NDE1: variants seen among roughly 807,000 people sequenced by gnomAD.
NDE1 encodes nuclear distribution protein nudE homolog 1.
Under a neutral mutation model 43.4 loss-of-function variants are expected in NDE1, and 28 were observed. That is an observed-to-expected ratio of 0.65 (90% CI 0.48 to 0.89). The LOEUF is 0.89. NDE1 is among the 40% of genes least tolerant of loss of function. The pLI, the probability that NDE1 is intolerant of heterozygous loss-of-function variation, is 0.00. For missense variants in NDE1, 441 were observed against 434.1 expected (o/e 1.02, Z -0.14); for synonymous variants, 184 against 172.0 (o/e 1.07, Z -0.55).
intron 8 of NDE1, 57 bp downstream of exon 8, chr16:15,696,917 A>G (rs746535640): frequency 2.5e-6 from 4 of 1,597,744 alleles, no homozygotes; most frequent in Non-Finnish European, 2.6e-6. Flanking sequence ...GCCCCAGGCA[A>G]GAGACACTCA....
At position 15,725,988 on chromosome 16, in the gene NDE1, C is replaced by T. The variant is rs1235268379; in HGVS notation, c.*1737C>T. The T allele has an allele frequency of 9.4e-6, 3 of 318,140 alleles. No individual in the cohort carries two copies. The highest frequency in any genetic ancestry group is 2.1e-5 in the African/African-American group (1 of 46,738). 19.7% of individuals were successfully genotyped at this position (318,140 alleles called of 1,614,324 possible). On this transcript the variant is annotated 3_prime_UTR_variant, in exon 9 of 9. Coordinates refer to ENST00000396354, the MANE Select transcript of NDE1 (RefSeq NM_017668.3). ...TACCCCCAACCCCAGCTGGGCACTC[C>T]AGCTCTACTGGCTGTATGTCTCTCT...
At chr16:15,691,087 C>T (rs531315587) in intron 5 of NDE1, 57 bp from the exon 6 acceptor site, 47 of 1,609,494 alleles carry the variant, frequency 2.9e-5, no homozygotes, top group Admixed American at 2.2e-4. Context: ...GCATTATAAA[C>T]ATGAGCCACT....
At chr16:15,717,912 A>C in intron 8 of NDE1, 1 of 314,308 alleles carries the variant, frequency 3.2e-6, no homozygotes, top group South Asian at 3.3e-5. Context: ...CCTACACCAC[A>C]AGGGGCTGCA....
At chr16:15,719,416 G>A in intron 8 of NDE1, 2 of 1,472,950 alleles carry the variant, frequency 1.4e-6, no homozygotes, top group Non-Finnish European at 1.9e-6. Context: ...CTTCCTCTGA[G>A]CTCAGGGGAG....
At chr16:15,720,464 C>G in intron 8 of NDE1, 1 of 1,150,622 alleles carries the variant, frequency 8.7e-7, no homozygotes, top group Admixed American at 2.0e-5. Flanking sequence ...AACGGAATCA[C>G]GCCGGGCGTG....
At chr16:15,701,006 C>T (rs1460144727) in intron 8 of NDE1, among the ~76,000 whole-genome samples, 2 of 151,916 alleles carry the variant, frequency 1.3e-5, no homozygotes, top group African/African-American at 2.4e-5. Flanking sequence ...AAGGCCGAGG[C>T]GGGTGGATTA....
At chr16:15,721,132 C>G in intron 8 of NDE1, 2 of 1,483,022 alleles carry the variant, frequency 1.3e-6, no homozygotes, top group South Asian at 1.1e-5. Flanking sequence ...AGCGGCACCT[C>G]AGGAGATCAG....
chr16:15,696,892 G>A (rs751612032), intron 8 of NDE1, 32 bp downstream of exon 8: 22 of 1,608,914 alleles, frequency 1.4e-5, no homozygotes, highest in East Asian at 2.2e-5. Flanking sequence ...TCTCGCTGGC[G>A]GGGAGAACCC....
intron 8 of NDE1, chr16:15,721,261 T>A: frequency 1.0e-6 from 1 of 986,026 alleles, no homozygotes; most frequent in Non-Finnish European, 1.5e-6. Context: ...ACTGCCATTC[T>A]CAGCCCCTCC....
chr16:15,721,163 A>C (rs2040453673), intron 8 of NDE1: 1 of 1,211,782 alleles, frequency 8.3e-7, no homozygotes, highest in Non-Finnish European at 1.2e-6. Context: ...TTGGCCTCCC[A>C]CAGGATGCAT....
At chr16:15,661,715 A>G (rs2037054766) in intron 1 of NDE1, among the ~76,000 whole-genome samples, 2 of 151,886 alleles carry the variant, frequency 1.3e-5, no homozygotes, top group Admixed American at 6.6e-5. Flanking sequence ...ATGTGCTGGG[A>G]TTACAGGTGC....
At position 15,650,291 on chromosome 16, in the gene NDE1, T is replaced by C. The variant is rs1003118064; in HGVS notation, c.-47T>C. Reference sequence around the variant, plus strand: ...GCCGCGTTGGCCTCGCCGCCCCTGCTCGGGTAAGTGAGGCGCTGCGCGGGG... The same window carrying C: ...GCCGCGTTGGCCTCGCCGCCCCTGCCCGGGTAAGTGAGGCGCTGCGCGGGG... On this transcript the variant is annotated 5_prime_UTR_variant, in exon 1 of 9. Transcript: ENST00000396354. 4 of 312,450 alleles carry C rather than the reference T, an allele frequency of 1.3e-5. No individual in the cohort carries two copies. Among genetic ancestry groups the C allele is most frequent in the African/African-American group, 4.5e-5 (2 of 44,194 alleles). The allele number at this position is 312,450 out of a possible 1,614,324, so 19.4% of individuals were successfully genotyped here.
chr16:15,680,235 CTG>C (rs1406760029), intron 4 of NDE1, among the ~76,000 whole-genome samples: 2 of 152,084 alleles, frequency 1.3e-5, no homozygotes, highest in African/African-American at 4.8e-5. Context: ...TGTGTCTGCT[CTG>C]TGCACGTGTG....
chr16:15,701,681 C>T (rs1453458643), intron 8 of NDE1: 2 of 152,174 alleles, frequency 1.3e-5, no homozygotes, highest in African/African-American at 4.8e-5. Context: ...TAAAAGAACA[C>T]ACTAATTTCT....
intron 8 of NDE1, chr16:15,714,207 A>T (rs1341580045): frequency 1.3e-5 from 2 of 153,734 alleles, no homozygotes; most frequent in Non-Finnish European, 2.9e-5. Context: ...CCTTGGGAGC[A>T]GGGGGGACCC....
At chr16:15,703,495 G>A in intron 8 of NDE1, 1 of 284,012 alleles carries the variant, frequency 3.5e-6, no homozygotes, top group Non-Finnish European at 6.8e-6. Flanking sequence ...TCCATTGATA[G>A]AACTGGAGGA....
At chr16:15,721,315 T>C (rs2040467376) in intron 8 of NDE1, 1 of 1,293,054 alleles carries the variant, frequency 7.7e-7, no homozygotes, top group Non-Finnish European at 1.1e-6. Flanking sequence ...TTTCCGATGA[T>C]AGTTCGCTAT....
chr16:15,692,021 A>G (rs1463644860), intron 6 of NDE1, among the ~76,000 whole-genome samples: 1 of 151,210 alleles, frequency 6.6e-6, no homozygotes, highest in African/African-American at 2.4e-5. Context: ...GGGTTTAGTA[A>G]TACATCCACC....
At chr16:15,694,627 C>T (rs567405750) in intron 7 of NDE1, 2 of 985,272 alleles carry the variant, frequency 2.0e-6, no homozygotes, top group Non-Finnish European at 2.4e-6. Flanking sequence ...GGATTACAGG[C>T]ATGAGCCAAT....
Sources: allele counts gnomAD v4.1 joint callset (sites outside exome capture counted in the v4.1 genomes callset), GRCh38; gene constraint gnomAD v4.1.1; transcripts MANE v1.5; gene names NCBI Gene and HGNC (gene_info 2026-07-23, HGNC 2026-07-21).